COL8A1: variants seen among roughly 807,000 people sequenced by gnomAD.
COL8A1 encodes the protein collagen type VIII alpha 1 chain, also known as collagen alpha-1(VIII) chain.
In COL8A1, 21 loss-of-function variants were observed where a neutral mutation model predicts 42.7. That is an observed-to-expected ratio of 0.49 (90% CI 0.35 to 0.71). The LOEUF is 0.71. Among genes scored for constraint, COL8A1 ranks in the 30% least tolerant of loss-of-function variants. The pLI, the probability that COL8A1 is intolerant of heterozygous loss-of-function variation, is 0.01. For missense variants in COL8A1, 788 were observed against 962.4 expected (o/e 0.82, Z 2.40); for synonymous variants, 367 against 369.1 (o/e 0.99, Z 0.06).
intron 1 of COL8A1, among the ~76,000 whole-genome samples, chr3:99,733,018 T>G (rs1940566182): frequency 6.6e-6 from 1 of 151,776 alleles, no homozygotes; most frequent in African/African-American, 2.4e-5. Flanking sequence ...TCTCAATGTC[T>G]CATATCCGGG....
intron 1 of COL8A1, among the ~76,000 whole-genome samples, chr3:99,739,971 A>G (rs1405195531): frequency 6.6e-6 from 1 of 152,092 alleles, no homozygotes. Context: ...CCACTTAGAA[A>G]TTTCTTCCAC....
At chr3:99,770,607 G>T (rs1941560550) in intron 2 of COL8A1, among the ~76,000 whole-genome samples, 1 of 152,130 alleles carries the variant, frequency 6.6e-6, no homozygotes. Context: ...TGGAAAAGAG[G>T]TGTTCTACCA....
chr3:99,773,899 T>A (rs754395997), intron 2 of COL8A1, among the ~76,000 whole-genome samples: 1 of 140,694 alleles, frequency 7.1e-6, no homozygotes, highest in Non-Finnish European at 1.5e-5. Flanking sequence ...GGCGGGAATG[T>A]AGTGATGCAA....
intron 1 of COL8A1, among the ~76,000 whole-genome samples, chr3:99,706,367 T>G (rs1195093544): frequency 1.3e-5 from 2 of 152,196 alleles, no homozygotes; most frequent in African/African-American, 4.8e-5. Context: ...CAGAGTGGTT[T>G]TTTTCTATTA....
At chr3:99,759,216 C>T (rs1941318912) in intron 2 of COL8A1, among the ~76,000 whole-genome samples, 1 of 151,898 alleles carries the variant, frequency 6.6e-6, no homozygotes, top group South Asian at 2.1e-4. Context: ...TCTCACCAAT[C>T]TTATTTGTCA....
chr3:99,694,412 G>T (rs538382044), intron 1 of COL8A1, among the ~76,000 whole-genome samples: 8 of 151,874 alleles, frequency 5.3e-5, no homozygotes, highest in South Asian at 4.2e-4. Context: ...GGAGGCGGAG[G>T]TTGCAGAGAG....
At chr3:99,737,365 C>T (rs1940757492) in intron 1 of COL8A1, among the ~76,000 whole-genome samples, 1 of 151,884 alleles carries the variant, frequency 6.6e-6, no homozygotes. Flanking sequence ...GCGGCTGGTA[C>T]CGGTTGTTCC....
At chr3:99,697,428 A>G (rs541512250) in intron 1 of COL8A1, among the ~76,000 whole-genome samples, 1 of 152,358 alleles carries the variant, frequency 6.6e-6, no homozygotes, top group East Asian at 1.9e-4. Flanking sequence ...TTATAAGTTT[A>G]TGACTCAGAA....
intron 2 of COL8A1, among the ~76,000 whole-genome samples, chr3:99,746,936 G>A (rs1559625898): frequency 1.3e-5 from 2 of 152,086 alleles, no homozygotes; most frequent in African/African-American, 4.8e-5. Flanking sequence ...AATGGACTTG[G>A]TTTAACTTGA....
intron 1 of COL8A1, among the ~76,000 whole-genome samples, chr3:99,647,591 T>C (rs1429134898): frequency 6.6e-6 from 1 of 152,194 alleles, no homozygotes; most frequent in Non-Finnish European, 1.5e-5. Context: ...CTCTGGATAC[T>C]GTATAGAGAG....
At chr3:99,780,987 G>A (rs555580655) in intron 2 of COL8A1, among the ~76,000 whole-genome samples, 11 of 152,242 alleles carry the variant, frequency 7.2e-5, no homozygotes, top group Admixed American at 3.3e-4. Context: ...TATCTAGATG[G>A]GGCTGTGGTT....
chr3:99,747,723 G>T (rs575832706), intron 2 of COL8A1, among the ~76,000 whole-genome samples: 9 of 152,280 alleles, frequency 5.9e-5, no homozygotes, highest in Non-Finnish European at 1.0e-4. Flanking sequence ...TAATTTTACT[G>T]CAGAACATTA....
chr3:99,737,589 G>C (rs1940766252), intron 1 of COL8A1, among the ~76,000 whole-genome samples: 1 of 152,158 alleles, frequency 6.6e-6, no homozygotes, highest in African/African-American at 2.4e-5. Flanking sequence ...TTTCTGCCAA[G>C]AGATCCGCTG....
chr3:99,648,570 A>C (rs764994735), intron 1 of COL8A1, among the ~76,000 whole-genome samples: 2 of 152,154 alleles, frequency 1.3e-5, no homozygotes, highest in Non-Finnish European at 2.9e-5. Flanking sequence ...CAAAACAAAA[A>C]ACATCATTTC....
At chr3:99,700,225 G>A (rs1363715398) in intron 1 of COL8A1, among the ~76,000 whole-genome samples, 2 of 152,070 alleles carry the variant, frequency 1.3e-5, no homozygotes, top group African/African-American at 2.4e-5. Flanking sequence ...ATGAAATAGC[G>A]TGAAATGCAC....
intron 1 of COL8A1, among the ~76,000 whole-genome samples, chr3:99,712,811 T>A (rs1054255713): frequency 1.3e-5 from 2 of 152,096 alleles, no homozygotes; most frequent in African/African-American, 4.8e-5. Flanking sequence ...ACGTCTTGCA[T>A]CCCTGGAAAC....
rs371260551 is a variant in COL8A1, at chr3:99,742,518, G to C, written c.-128-2379G>C. Among the ~76,000 whole-genome samples the C allele has an allele frequency of 2.0e-5, 3 of 152,108 alleles. No homozygotes were observed. In the South Asian group the frequency reaches 6.2e-4, roughly 32 times the overall value. The stretch of plus-strand genomic sequence containing the variant: ...GTATTATGAATAACAAAGTAAAAAA[G>C]TGTCATCACATTAATAGCAACAAAA... On this transcript the variant is annotated intron_variant, in intron 1 of 3. Transcript: ENST00000652472.
intron 1 of COL8A1, among the ~76,000 whole-genome samples, chr3:99,682,439 A>G (rs1559777470): frequency 6.6e-6 from 1 of 152,076 alleles, no homozygotes; most frequent in African/African-American, 2.4e-5. Context: ...TAATGATAAT[A>G]ATTAGAAGTG....
intron 2 of COL8A1, among the ~76,000 whole-genome samples, chr3:99,763,375 T>C (rs1001243085): frequency 3.3e-5 from 5 of 152,152 alleles, no homozygotes; most frequent in Admixed American, 6.5e-5. Flanking sequence ...TGGGTTTACA[T>C]TTGTTCTAAG....
Sources: gnomAD v4.1 joint callset for allele counts (sites outside exome capture counted in the v4.1 genomes callset) on GRCh38, gnomAD v4.1.1 for gene constraint, MANE v1.5 for transcripts, NCBI Gene and HGNC (gene_info 2026-07-23, HGNC 2026-07-21) for gene names.